Variants in DPYD observed in about 807,000 individuals in gnomAD.
DPYD encodes the protein dihydropyrimidine dehydrogenase.
In DPYD, 109 loss-of-function variants were observed where a neutral mutation model predicts 116.2. The observed-to-expected ratio is 0.94, with a 90% CI of 0.80 to 1.10. The LOEUF is 1.10. Ranked by LOEUF, DPYD falls within the 50% of genes least tolerant of loss-of-function variation. DPYD has a pLI of 0.00. For synonymous variants in DPYD, 440 were observed against 432.0 expected, an observed-to-expected ratio of 1.02 and a Z score of -0.23; for missense variants, 1,302 against 1,254.5, an observed-to-expected ratio of 1.04 and a Z score of -0.57.
At chr1:97,872,437 C>CA (rs1671701717) in intron 2 of DPYD, among the ~76,000 whole-genome samples, 1 of 151,888 alleles carries the variant, frequency 6.6e-6, no homozygotes, top group Admixed American at 6.6e-5. Context: ...ATTTGTGTGT[C>CA]ACATGGATGT....
chr1:97,193,318 T>C, intron 19 of DPYD, 70 bp from the exon 20 acceptor site: 4 of 1,472,078 alleles, frequency 2.7e-6, no homozygotes, highest in Non-Finnish European at 2.8e-6. Flanking sequence ...TCACTTTTCT[T>C]TGAGTCAACA....
At chr1:97,721,247 C>T (rs113493157) in intron 5 of DPYD, among the ~76,000 whole-genome samples, 14 of 151,716 alleles carry the variant, frequency 9.2e-5, no homozygotes, top group East Asian at 3.9e-4. Context: ...GTTCTATTTT[C>T]GGATCATCTA....
chr1:97,564,123 C>G (rs185389985), intron 11 of DPYD, among the ~76,000 whole-genome samples: 1 of 152,102 alleles, frequency 6.6e-6, no homozygotes, highest in Non-Finnish European at 1.5e-5. Context: ...TTCATCATTT[C>G]GCAATCGGTA....
intron 13 of DPYD, among the ~76,000 whole-genome samples, chr1:97,458,503 C>G (rs1267454944): frequency 6.6e-6 from 1 of 152,094 alleles, no homozygotes; most frequent in Non-Finnish European, 1.5e-5. Context: ...CAAGGGCAAA[C>G]TAACTATTGG....
At chr1:97,474,675 T>C (rs11811436) in intron 13 of DPYD, among the ~76,000 whole-genome samples, 25,924 of 151,956 alleles carry the variant, frequency 0.17, 2,330 homozygotes, top group African/African-American at 0.2. Context: ...ATGTGTTATT[T>C]CTATTTAAGA....
intron 20 of DPYD, among the ~76,000 whole-genome samples, chr1:97,186,650 A>G (rs999360939): frequency 2.6e-5 from 4 of 152,154 alleles, no homozygotes; most frequent in Non-Finnish European, 5.9e-5. Flanking sequence ...GGAGTTCGAG[A>G]ACAGCCTGGA....
At chr1:97,427,385 C>T (rs1674930791) in intron 14 of DPYD, among the ~76,000 whole-genome samples, 1 of 151,856 alleles carries the variant, frequency 6.6e-6, no homozygotes, top group Non-Finnish European at 1.5e-5. Context: ...TTGTGTTTAC[C>T]TAAAGATCTA....
intron 12 of DPYD, among the ~76,000 whole-genome samples, chr1:97,518,626 T>A (rs1398766270): frequency 6.6e-6 from 1 of 152,136 alleles, no homozygotes. Flanking sequence ...TCAACTCTTT[T>A]ATCTCATCAT....
chr1:97,916,187 C>CT (rs1181240880), intron 1 of DPYD, among the ~76,000 whole-genome samples: 1 of 152,074 alleles, frequency 6.6e-6, no homozygotes, highest in Non-Finnish European at 1.5e-5. Flanking sequence ...TAATATTCAT[C>CT]TTTTTTTATT....
At chr1:97,546,606 C>T (rs902249474) in intron 12 of DPYD, 3 of 1,611,592 alleles carry the variant, frequency 1.9e-6, no homozygotes, top group African/African-American at 2.7e-5. Flanking sequence ...ATAGCCTTTA[C>T]TTTCCTGAGG....
intron 2 of DPYD, among the ~76,000 whole-genome samples, chr1:97,876,940 G>A (rs901312229): frequency 1.3e-5 from 2 of 151,964 alleles, no homozygotes; most frequent in African/African-American, 4.8e-5. Context: ...GAGACAAAAT[G>A]AGGACCAAAA....
At chr1:97,691,664 A>G (rs1400756830) in intron 7 of DPYD, 53 bp downstream of exon 7, 1 of 1,423,104 alleles carries the variant, frequency 7.0e-7, no homozygotes, top group Non-Finnish European at 9.9e-7. Context: ...TTTAGTGTAG[A>G]GCTTACTCCT....
intron 13 of DPYD, among the ~76,000 whole-genome samples, chr1:97,474,095 C>T (rs1185490772): frequency 1.0e-4 from 15 of 150,726 alleles, no homozygotes; most frequent in South Asian, 6.3e-4. Flanking sequence ...AATAGGTTAC[C>T]GTATGATCCA....
chr1:97,434,397 AG>A (rs1233212364), intron 14 of DPYD, among the ~76,000 whole-genome samples: 1 of 152,120 alleles, frequency 6.6e-6, no homozygotes, highest in African/African-American at 2.4e-5. Flanking sequence ...TAATTAGTTC[AG>A]GAAAAGAATC....
intron 16 of DPYD, among the ~76,000 whole-genome samples, chr1:97,362,280 C>G (rs1306341165): frequency 6.6e-6 from 1 of 152,114 alleles, no homozygotes; most frequent in Non-Finnish European, 1.5e-5. Context: ...GAACTACAAA[C>G]CACTGCTCAA....
At chr1:97,257,147 A>G (rs999337555) in intron 18 of DPYD, among the ~76,000 whole-genome samples, 7 of 152,088 alleles carry the variant, frequency 4.6e-5, no homozygotes, top group African/African-American at 1.7e-4. Flanking sequence ...AAAGAAGAAA[A>G]CTAAATTATT....
At chr1:97,325,713 G>T (rs1341347017) in intron 16 of DPYD, among the ~76,000 whole-genome samples, 2 of 151,980 alleles carry the variant, frequency 1.3e-5, no homozygotes, top group African/African-American at 4.8e-5. Flanking sequence ...CAGTGAAGGT[G>T]ATTGTAGTTT....
At chr1:97,424,429 T>A (rs1674753039) in intron 14 of DPYD, among the ~76,000 whole-genome samples, 2 of 151,972 alleles carry the variant, frequency 1.3e-5, no homozygotes, top group Admixed American at 6.6e-5. Context: ...GACACACTGT[T>A]CAGGCAAGAC....
chr1:97,419,815 T>A (rs1341581141), intron 14 of DPYD, among the ~76,000 whole-genome samples: 2 of 152,098 alleles, frequency 1.3e-5, no homozygotes, highest in African/African-American at 4.8e-5. Flanking sequence ...GGTCAAAGAG[T>A]GCATGTATTC....
Sources: allele counts gnomAD v4.1 joint callset (sites outside exome capture counted in the v4.1 genomes callset), GRCh38; gene constraint gnomAD v4.1.1; transcripts MANE v1.5; gene names NCBI Gene and HGNC (gene_info 2026-07-23, HGNC 2026-07-21).